Variants in MKNK2 observed in about 807,000 individuals in gnomAD.
The protein encoded by MKNK2 is MAP kinase-interacting serine/threonine-protein kinase 2.
MKNK2 carries 54 observed loss-of-function variants against 55.0 expected under a neutral mutation model. The observed-to-expected ratio is 0.98, with a 90% CI of 0.79 to 1.23. The LOEUF is 1.23. Ranked by LOEUF, MKNK2 falls within the 50% of genes most tolerant of loss-of-function variation. The probability of loss-of-function intolerance (pLI) is 0.00; values close to 1 mark genes in which losing one functional copy is unlikely to be tolerated. For synonymous variants in MKNK2, 323 were observed against 256.0 expected (o/e 1.26, Z -2.50); for missense variants, 685 against 632.1 (o/e 1.08, Z -0.90).
intron 12 of MKNK2, chr19:2,040,485 T>A: frequency 2.5e-6 from 1 of 407,654 alleles, no homozygotes. Flanking sequence ...CAAACCCACC[T>A]CCGCCCCCCT....
At chr19:2,050,034 G>C (rs2017080102) in intron 2 of MKNK2, among the ~76,000 whole-genome samples, 1 of 152,172 alleles carries the variant, frequency 6.6e-6, no homozygotes, top group Admixed American at 6.5e-5. Flanking sequence ...CATAACCCCG[G>C]CCTGAGGGGT....
intron 10 of MKNK2, 80 bp from the exon 11 acceptor site, chr19:2,042,114 T>G (rs1002405799): frequency 3.7e-5 from 49 of 1,319,854 alleles, no homozygotes; most frequent in Non-Finnish European, 4.8e-5. Flanking sequence ...GCGGGTCACC[T>G]GCGCCAGCCG....
At chr19:2,040,867 G>A in intron 12 of MKNK2, 173 bp downstream of exon 12, 2 of 671,472 alleles carry the variant, frequency 3.0e-6, no homozygotes, top group East Asian at 5.5e-5. Context: ...CCGTGCACAG[G>A]CGGGCGGTGG....
chr19:2,039,495 G>A lies in MKNK2; in HGVS notation c.*118C>T, dbSNP rs2016826557. On this transcript the variant is annotated 3_prime_UTR_variant, in exon 14 of 14. Coordinates refer to ENST00000250896, the MANE Select transcript of MKNK2 (RefSeq NM_199054.3). ...AACACCCCCCTCAGCTGAGCTTAGTGCCTGGGAATCCAGGCAGAGGAGGGG... is the reference window on the plus strand; with the variant it reads ...AACACCCCCCTCAGCTGAGCTTAGTACCTGGGAATCCAGGCAGAGGAGGGG... The A allele has an allele frequency of 6.9e-7, 1 of 1,444,862 alleles. No individual in the cohort carries two copies. The highest frequency in any genetic ancestry group is 9.1e-7 in the Non-Finnish European group (1 of 1,098,394). 89.5% of individuals were successfully genotyped at this position (1,444,862 alleles called of 1,614,324 possible).
chr19:2,040,258 A>T, intron 12 of MKNK2, 81 bp from the exon 13 acceptor site: 1 of 1,228,628 alleles, frequency 8.1e-7, no homozygotes, highest in Non-Finnish European at 1.1e-6. Context: ...TGGCCAAGGG[A>T]TGCCATGCCC....
Position 2,050,928 on chromosome 19 carries a change from G to T in MKNK2, c.-77C>A. 1 of 1,056,142 alleles carries T rather than the reference G, an allele frequency of 9.5e-7. No individual in the cohort carries two copies. The highest frequency in any genetic ancestry group is 1.3e-6 in the Non-Finnish European group (1 of 753,682). The allele number at this position is 1,056,142 out of a possible 1,614,324, so 65.4% of individuals were successfully genotyped here. ...GCCCGAGGGCGGGCGGCCGGGCGGG[G>T]GGCGGCCGAGGAGGGGACCCTGCGG... On this transcript the variant is annotated 5_prime_UTR_variant, in exon 2 of 14. Transcript: ENST00000250896.
At chr19:2,042,203 C>T (rs1415769436) in intron 10 of MKNK2, 169 bp from the exon 11 acceptor site, 8 of 734,562 alleles carry the variant, frequency 1.1e-5, no homozygotes, top group African/African-American at 1.9e-5. Flanking sequence ...AGGTGCAGAG[C>T]TCGCCCCTCC....
At chr19:2,050,508 G>GAC (rs1420518659) in intron 2 of MKNK2, among the ~76,000 whole-genome samples, 1 of 152,202 alleles carries the variant, frequency 6.6e-6, no homozygotes, top group Admixed American at 6.5e-5. Flanking sequence ...GCTTGCAGGG[G>GAC]ACACACAGCC....
chr19:2,040,877 G>A (rs1377616952), intron 12 of MKNK2, 163 bp downstream of exon 12: 2 of 712,694 alleles, frequency 2.8e-6, no homozygotes, highest in Admixed American at 2.8e-5. Flanking sequence ...GCGGGCGGTG[G>A]GGATTTCGGC....
chr19:2,050,679 G>C lies in MKNK2; in HGVS notation c.51+122C>G, dbSNP rs1006000259. The C allele has an allele frequency of 7.7e-6, 7 of 911,270 alleles. No individual in the cohort carries two copies. The African/African-American group carries it at 1.2e-4, about 16-fold the overall frequency. 56.4% of individuals were successfully genotyped at this position (911,270 alleles called of 1,614,324 possible). On this transcript the variant is annotated intron_variant, in intron 2 of 13. Transcript: ENST00000250896. ...GCACGGCCGGCCCGGGCAGCCCCGG[G>C]TGTAGGGCGGGGGCCAGGCACGAGC...
intron 5 of MKNK2, among the ~76,000 whole-genome samples, chr19:2,044,739 C>T (rs952831142): frequency 6.6e-6 from 1 of 152,238 alleles, no homozygotes; most frequent in Non-Finnish European, 1.5e-5. Flanking sequence ...ATACCACCAC[C>T]CAGGCCGCTG....
At chr19:2,044,032 A>T (rs2016949353) in intron 5 of MKNK2, among the ~76,000 whole-genome samples, 1 of 146,208 alleles carries the variant, frequency 6.8e-6, no homozygotes, top group Non-Finnish European at 1.5e-5. Flanking sequence ...TCCACCTGTG[A>T]CCCTGACAGC....
At position 2,038,180 on chromosome 19, in the gene MKNK2, C is replaced by T. The variant is rs1247275307; in HGVS notation, c.*1433G>A. On this transcript the variant is annotated 3_prime_UTR_variant, in exon 14 of 14. Transcript: ENST00000250896. ...GCCAGGCAGACGGTCTCCGAGGCCC[C>T]CACCCCCAGGCCCCCCGACATTCAA... 16 of 1,021,382 alleles carry T rather than the reference C, an allele frequency of 1.6e-5. No homozygotes were observed. The highest frequency in any genetic ancestry group is 8.5e-5 in the East Asian group (1 of 11,794). 63.3% of individuals were successfully genotyped at this position (1,021,382 alleles called of 1,614,324 possible). A position where few individuals can be genotyped will look rare whatever the true frequency, so the allele number is the denominator to read the frequency against.
chr19:2,044,462 TGAG>T (rs1458585495), intron 5 of MKNK2, among the ~76,000 whole-genome samples: 1 of 152,110 alleles, frequency 6.6e-6, no homozygotes, highest in African/African-American at 2.4e-5. Context: ...AGAGGTGGGG[TGAG>T]GAGGCGTCTG....
At chr19:2,050,166 C>A (rs185544601) in intron 2 of MKNK2, among the ~76,000 whole-genome samples, 1 of 152,328 alleles carries the variant, frequency 6.6e-6, no homozygotes, top group Non-Finnish European at 1.5e-5. Flanking sequence ...CAACAGCAGT[C>A]ACCACCCGGG....
In MKNK2 at chr19:2,046,226, G is replaced by T; in HGVS notation, c.299C>A (p.Thr100Asn). Reference protein sequence around the residue: ...LGEGAHARVQTCINLITSQEY... With the variant: ...LGEGAHARVQNCINLITSQEY... ...CTGGCTGGTGATCAGGTTGATGCAG[G>T]TCTGCACTCGGGCATGAGCGCCCTC... The change falls in exon 5 of 14, where the codon ACC becomes AAC. Residue 100 changes from threonine (T) to asparagine (N), a missense_variant. Thr to Asn is a moderately conservative substitution (Grantham distance 65). Coordinates refer to ENST00000250896, the MANE Select transcript of MKNK2 (RefSeq NM_199054.3). 6.2e-7 allele frequency: 1 copy of T among 1,607,930 alleles called. No homozygotes were observed. Among genetic ancestry groups the T allele is most frequent in the Non-Finnish European group, 8.5e-7 (1 of 1,179,942 alleles).
intron 12 of MKNK2, 42 bp downstream of exon 12, chr19:2,040,998 C>T (rs755555831): frequency 7.3e-5 from 117 of 1,602,146 alleles, no homozygotes; most frequent in South Asian, 3.0e-4. Flanking sequence ...CACCCTGCAG[C>T]GCCCCCATAC....
Position 2,050,898 on chromosome 19 carries a change from G to A in MKNK2, c.-47C>T, listed in dbSNP as rs1400104047. 3.4e-6 allele frequency: 5 copies of A among 1,457,980 alleles called. No individual in the cohort carries two copies. The highest frequency in any genetic ancestry group is 3.0e-5 in the African/African-American group (2 of 67,504). 90.3% of individuals were successfully genotyped at this position (1,457,980 alleles called of 1,614,324 possible). On this transcript the variant is annotated 5_prime_UTR_variant, in exon 2 of 14. Transcript: ENST00000250896. ...CGGGGGAGGGGACCGAGGGCCCGGG[G>A]GGAGGCCCGAGGGCGGGCGGCCGGG...
rs1022216240 is a variant in MKNK2 at position 2,040,916 on chromosome 19, T to G, written c.1110+124A>C. The G allele has an allele frequency of 4.2e-6, 4 of 950,082 alleles. No individual in the cohort carries two copies. In the South Asian group the frequency reaches 4.5e-5, roughly 11 times the overall value. The allele number at this position is 950,082 out of a possible 1,614,324, so 58.9% of individuals were successfully genotyped here. A position where few individuals can be genotyped will look rare whatever the true frequency, so the allele number is the denominator to read the frequency against. ...ACCCCTCATCCCAGGGCAGAGCCTG[T>G]GCTCTCAAGCCTCAGTGCATCTCAG... On this transcript the variant is annotated intron_variant, in intron 12 of 13. Coordinates refer to ENST00000250896, the MANE Select transcript of MKNK2 (RefSeq NM_199054.3).
Sources: gnomAD v4.1 joint callset for allele counts (sites outside exome capture counted in the v4.1 genomes callset) on GRCh38, gnomAD v4.1.1 for gene constraint, MANE v1.5 for transcripts, NCBI Gene and HGNC (gene_info 2026-07-23, HGNC 2026-07-21) for gene names.